Variants in KLHL25 observed in about 807,000 individuals in gnomAD.
KLHL25 encodes kelch like family member 25.
In KLHL25, 41 loss-of-function variants were observed where a neutral mutation model predicts 30.0. That is an observed-to-expected ratio of 1.37 (90% confidence interval 1.07 to 1.78). KLHL25 has a LOEUF of 1.78. Among genes scored for constraint, KLHL25 ranks in the 40% most tolerant of loss-of-function variants. The pLI is 0.00. For synonymous variants in KLHL25, 399 were observed against 355.3 expected, an observed-to-expected ratio of 1.12 and a Z score of -1.38; for missense variants, 971 against 824.5, an observed-to-expected ratio of 1.18 and a Z score of -2.18.
intron 1 of KLHL25, among the ~76,000 whole-genome samples, chr15:85,778,194 G>C (rs149105801): frequency 7.2e-5 from 11 of 152,322 alleles, no homozygotes; most frequent in Middle Eastern, 6.8e-3. Flanking sequence ...ATGCCAAAGG[G>C]CGGAGAGAGA....
chr15:85,773,683 G>A (rs1288305986), intron 1 of KLHL25, among the ~76,000 whole-genome samples: 1 of 152,222 alleles, frequency 6.6e-6, no homozygotes, highest in African/African-American at 2.4e-5. Context: ...TCTATACTAA[G>A]ATGTTCACTG....
chr15:85,784,974 T>C (rs543520797), intron 1 of KLHL25, among the ~76,000 whole-genome samples: 26 of 152,266 alleles, frequency 1.7e-4, no homozygotes, highest in Non-Finnish European at 3.2e-4. Context: ...TCATAATGTA[T>C]AGACATTAAA....
At chr15:85,779,991 A>G (rs2089733285) in intron 1 of KLHL25, among the ~76,000 whole-genome samples, 1 of 152,226 alleles carries the variant, frequency 6.6e-6, no homozygotes, top group African/African-American at 2.4e-5. Flanking sequence ...TCTATTTACC[A>G]GGTAGGCCAC....
At chr15:85,785,771 G>GT (rs1466508517) in intron 1 of KLHL25, among the ~76,000 whole-genome samples, 29 of 152,172 alleles carry the variant, frequency 1.9e-4, no homozygotes, top group African/African-American at 6.8e-4. Flanking sequence ...CATTTTGCTT[G>GT]TAATTGTACC....
intron 2 of KLHL25, among the ~76,000 whole-genome samples, chr15:85,766,407 A>G (rs966465890): frequency 6.6e-6 from 1 of 152,140 alleles, no homozygotes; most frequent in African/African-American, 2.4e-5. Flanking sequence ...GGCCCTAAAC[A>G]CAGAGGGTGT....
intron 1 of KLHL25, among the ~76,000 whole-genome samples, chr15:85,792,273 C>A (rs1352510789): frequency 2.6e-5 from 4 of 152,198 alleles, no homozygotes; most frequent in Non-Finnish European, 1.5e-5. Flanking sequence ...TCCTCTACCC[C>A]CAGCTTGTTC....
rs887283661 is a variant in KLHL25 at position 85,789,488 on chromosome 15, C to G, written c.-11+5278G>C. On this transcript the variant is annotated intron_variant, in intron 1 of 2. Coordinates refer to ENST00000337975, the MANE Select transcript of KLHL25 (RefSeq NM_022480.4). The surrounding 1 kb of genome is among the most constrained non-coding windows in gnomAD (Gnocchi z 4.1). Reference sequence around the variant, plus strand: ...TTCTGCCTCCGGGGTTCAAGCGATTCTCCTGTCTCAGCCTCCCAAGTAGCT... The same window carrying G: ...TTCTGCCTCCGGGGTTCAAGCGATTGTCCTGTCTCAGCCTCCCAAGTAGCT... 6.6e-6 allele frequency among the ~76,000 whole-genome samples: 1 copy of G among 152,036 alleles called. No homozygotes were observed. The highest frequency in any genetic ancestry group is 2.4e-5 in the African/African-American group (1 of 41,380).
rs767657939 is a variant in KLHL25, at chr15:85,769,486, G to A, written c.325C>T (p.Arg109Cys). 1.5e-5 allele frequency: 24 copies of A among 1,613,902 alleles called. No individual in the cohort carries two copies. The East Asian group carries it at 2.4e-4, about 16-fold the overall frequency. ...ELLLDFAYSSRIAINEENAES... is the reference protein window; with the variant it reads ...ELLLDFAYSSCIAINEENAES... The stretch of plus-strand genomic sequence containing the variant: ...GCGTTCTCCTCGTTGATGGCGATGC[G>A]TGAGGAGTAGGCAAAGTCCAGCAGC... The change falls in exon 2 of 3, where the codon CGC becomes TGC. Residue 109 changes from arginine (R) to cysteine (C), a missense_variant. Transcript: ENST00000337975.
intron 2 of KLHL25, 112 bp from the exon 3 acceptor site, chr15:85,761,123 G>C (rs1411572355): frequency 6.6e-6 from 1 of 152,300 alleles, no homozygotes; most frequent in Non-Finnish European, 1.5e-5. Context: ...TCGGGCGTGA[G>C]AACGCCAGAT....
In KLHL25 at chr15:85,774,533, G is replaced by A. The variant is rs150894602; in HGVS notation, c.-10-4713C>T. 4.1e-3 allele frequency among the ~76,000 whole-genome samples: 631 copies of A among 152,300 alleles called. 2 individuals are homozygous for A. Among genetic ancestry groups the A allele is most frequent in the Non-Finnish European group, 7.4e-3 (506 of 68,022 alleles). ...ACACTCACAGAAGATTCCAGTGACC[G>A]AAAGCGAAAGGCCTATCCTGAGAGA... On this transcript the variant is annotated intron_variant, in intron 1 of 2. Transcript: ENST00000337975.
intron 1 of KLHL25, among the ~76,000 whole-genome samples, chr15:85,793,835 G>A (rs746400190): frequency 6.6e-6 from 1 of 152,160 alleles, no homozygotes; most frequent in Non-Finnish European, 1.5e-5. Context: ...GGATCCAGCA[G>A]GACCCAAGAG....
rs1401587699 is a variant in KLHL25, at chr15:85,789,995, C to T, written c.-11+4771G>A. 1.3e-5 allele frequency among the ~76,000 whole-genome samples: 2 copies of T among 152,184 alleles called. No individual in the cohort carries two copies. The highest frequency in any genetic ancestry group is 2.9e-5 in the Non-Finnish European group (2 of 68,042). On this transcript the variant is annotated intron_variant, in intron 1 of 2. Coordinates refer to ENST00000337975, the MANE Select transcript of KLHL25 (RefSeq NM_022480.4). The surrounding 1 kb of genome is among the most constrained non-coding windows in gnomAD (Gnocchi z 4.1). ...TGCCTACGTCACCCCTCTCACTCTA[C>T]AGGTGAAAAAACTAGATCCCAGAGA...
At chr15:85,791,301 G>C (rs1481828262) in intron 1 of KLHL25, among the ~76,000 whole-genome samples, 1 of 151,462 alleles carries the variant, frequency 6.6e-6, no homozygotes, top group Non-Finnish European at 1.5e-5. Flanking sequence ...TTCAAGACCA[G>C]CCTGGACAAC....
In KLHL25 at chr15:85,769,034, G is replaced by T; in HGVS notation, c.777C>A (p.Asp259Glu). Residue 259 changes from aspartate to glutamate, a missense_variant, in exon 2 of 3, where the codon GAC (aspartate) becomes GAA (glutamate). Physicochemically the swap from Asp to Glu is conservative, Grantham distance 45. Transcript: ENST00000337975. Reference protein sequence around the residue: ...AVSSEALLMADERTKLIMDEA... With the variant: ...AVSSEALLMAEERTKLIMDEA... Reference sequence around the variant, plus strand: ...CATCCATGATAAGCTTGGTGCGCTCGTCTGCCATGAGGAGGGCCTCGCTGG... The same window carrying T: ...CATCCATGATAAGCTTGGTGCGCTCTTCTGCCATGAGGAGGGCCTCGCTGG... 6.2e-7 allele frequency: 1 copy of T among 1,609,378 alleles called. No individual in the cohort carries two copies. The highest frequency in any genetic ancestry group is 8.5e-7 in the Non-Finnish European group (1 of 1,178,308).
intron 1 of KLHL25, among the ~76,000 whole-genome samples, chr15:85,781,874 G>A (rs895948425): frequency 2.0e-5 from 3 of 152,056 alleles, no homozygotes; most frequent in Non-Finnish European, 1.5e-5. Context: ...GGCCTATGCA[G>A]GGGGTCTCCA....
intron 1 of KLHL25, among the ~76,000 whole-genome samples, chr15:85,784,095 T>C (rs949359833): frequency 6.6e-6 from 1 of 152,390 alleles, no homozygotes; most frequent in Admixed American, 6.5e-5. Context: ...GATGTCGACC[T>C]GATTCCTGTG....
In KLHL25 at chr15:85,768,084, AT is replaced by A; in HGVS notation, c.1726del (p.Ile576SerfsTer120). 6.2e-7 allele frequency: 1 copy of A among 1,613,978 alleles called. No homozygotes were observed. The highest frequency in any genetic ancestry group is 8.5e-7 in the Non-Finnish European group (1 of 1,179,910). ...CCAGGTGCTGACAAAGGCCGTGGGGATAAGTGAGTAGGGCACTGTGGTGATG... is the reference window on the plus strand; with the variant it reads ...CCAGGTGCTGACAAAGGCCGTGGGGAAAGTGAGTAGGGCACTGTGGTGATG... ...NCITTVPYSL[I>X]PTAFVSTWKH... On this transcript the variant is annotated frameshift_variant, in exon 2 of 3. Coordinates refer to ENST00000337975, the MANE Select transcript of KLHL25 (RefSeq NM_022480.4). LOFTEE classifies it low-confidence loss of function (END_TRUNC).
At chr15:85,776,409 A>G (rs549058417) in intron 1 of KLHL25, among the ~76,000 whole-genome samples, 3 of 151,436 alleles carry the variant, frequency 2.0e-5, no homozygotes, top group Non-Finnish European at 4.4e-5. Flanking sequence ...GAACTGCTCA[A>G]ACCTGGGAGG....
chr15:85,782,348 G>C lies in KLHL25; in HGVS notation c.-11+12418C>G, dbSNP rs991489152. Among the ~76,000 whole-genome samples, 5 of 151,930 alleles carry C rather than the reference G, an allele frequency of 3.3e-5. 1 individual carries two copies. Among genetic ancestry groups the C allele is most frequent in the Admixed American group, 3.3e-4 (5 of 15,242 alleles). On this transcript the variant is annotated intron_variant, in intron 1 of 2. Coordinates refer to ENST00000337975, the MANE Select transcript of KLHL25 (RefSeq NM_022480.4). ...ACCACTGCAGGCCAGGTTATGGTCA[G>C]GCCCCTGAACCCTTTCTTCCCACAC...
Sources: allele counts gnomAD v4.1 joint callset (sites outside exome capture counted in the v4.1 genomes callset), GRCh38; gene constraint gnomAD v4.1.1; non-coding constraint Gnocchi (gnomAD v3.1); transcripts MANE v1.5; gene names NCBI Gene and HGNC (gene_info 2026-07-23, HGNC 2026-07-21).